POLDIP3: variants seen among roughly 807,000 people sequenced by gnomAD.
The protein encoded by POLDIP3 is polymerase delta-interacting protein 3.
A neutral mutation model predicts 45.1 loss-of-function variants in POLDIP3; 14 were observed. The observed-to-expected ratio is 0.31, with a 90% CI of 0.20 to 0.49. POLDIP3 has a LOEUF of 0.49. POLDIP3 is among the 20% of genes least tolerant of loss of function. POLDIP3 has a pLI of 0.99. For synonymous variants in POLDIP3, 223 were observed against 205.2 expected, an observed-to-expected ratio of 1.09 and a Z score of -0.74; for missense variants, 511 against 538.8, an observed-to-expected ratio of 0.95 and a Z score of 0.51.
chr22:42,592,669 C>T (rs542292100), intron 6 of POLDIP3, among the ~76,000 whole-genome samples: 2 of 152,332 alleles, frequency 1.3e-5, no homozygotes, highest in East Asian at 3.9e-4. Context: ...TACTTAACTT[C>T]TCTGAGCCTG....
chr22:42,600,494 C>T (rs1234539152), intron 3 of POLDIP3, among the ~76,000 whole-genome samples: 1 of 152,000 alleles, frequency 6.6e-6, no homozygotes, highest in Admixed American at 6.6e-5. Flanking sequence ...GGCATGGTGG[C>T]ATGCGCCTGT....
chr22:42,586,446 G>T (rs1479027978), intron 8 of POLDIP3, among the ~76,000 whole-genome samples: 1 of 151,904 alleles, frequency 6.6e-6, no homozygotes, highest in African/African-American at 2.4e-5. Flanking sequence ...TCCCACCTCG[G>T]CCCCCCAAGT....
chr22:42,600,022 C>T (rs1010918956), intron 3 of POLDIP3, among the ~76,000 whole-genome samples: 14 of 152,170 alleles, frequency 9.2e-5, no homozygotes, highest in Non-Finnish European at 1.5e-4. Flanking sequence ...CATCAGAAGT[C>T]CCTTTTTCCC....
In POLDIP3 at chr22:42,607,565, G is replaced by A. The variant is rs1159388327; in HGVS notation, c.60-4405C>T. Among the ~76,000 whole-genome samples the A allele has an allele frequency of 1.1e-4, 17 of 151,784 alleles. 1 individual carries two copies. Among genetic ancestry groups the A allele is most frequent in the Middle Eastern group, 6.3e-3 (2 of 316 alleles). On this transcript the variant is annotated intron_variant, in intron 1 of 8. Transcript: ENST00000252115. The stretch of plus-strand genomic sequence containing the variant: ...AAGTGAGGAGCGTCTCTGCCTGGCC[G>A]CCCATCGTCTGGGATGTGAGGAGCC...
At chr22:42,612,048 C>T (rs923106370) in intron 1 of POLDIP3, among the ~76,000 whole-genome samples, 1 of 152,168 alleles carries the variant, frequency 6.6e-6, no homozygotes, top group Non-Finnish European at 1.5e-5. Context: ...TTAACTCAAA[C>T]TCAGCATGCA....
chr22:42,601,732 G>A (rs563890157), intron 3 of POLDIP3, among the ~76,000 whole-genome samples: 2 of 152,328 alleles, frequency 1.3e-5, no homozygotes, highest in South Asian at 4.1e-4. Context: ...CTGCACTCCA[G>A]CCTAGCGACA....
intron 4 of POLDIP3, 115 bp downstream of exon 4, chr22:42,599,583 G>C (rs1234627409): frequency 1.3e-6 from 1 of 778,164 alleles, no homozygotes; most frequent in Non-Finnish European, 2.1e-6. Flanking sequence ...CAGCAGCCTG[G>C]GGGAGAAGAG....
intron 1 of POLDIP3, among the ~76,000 whole-genome samples, chr22:42,609,530 G>C (rs753247613): frequency 2.0e-5 from 3 of 152,206 alleles, no homozygotes; most frequent in African/African-American, 7.2e-5. Context: ...GGGGAGGGCA[G>C]GGCTACAGCC....
At chr22:42,611,233 G>A in intron 1 of POLDIP3, among the ~76,000 whole-genome samples, 1 of 152,180 alleles carries the variant, frequency 6.6e-6, no homozygotes, top group Non-Finnish European at 1.5e-5. Flanking sequence ...TGCAAGCATG[G>A]CTCACTGCAG....
At chr22:42,590,710 TTAAGAA>T (rs1282712209) in intron 7 of POLDIP3, among the ~76,000 whole-genome samples, 1 of 152,176 alleles carries the variant, frequency 6.6e-6, no homozygotes, top group Non-Finnish European at 1.5e-5. Flanking sequence ...GATAAGGGAC[TTAAGAA>T]TATGTAAAGT....
intron 1 of POLDIP3, among the ~76,000 whole-genome samples, chr22:42,611,885 T>A (rs575792755): frequency 1.3e-5 from 2 of 152,090 alleles, no homozygotes; most frequent in African/African-American, 4.8e-5. Context: ...TCAAAAAAAA[T>A]AAAGAAATAA....
At chr22:42,599,946 C>T (rs1247106343) in intron 3 of POLDIP3, among the ~76,000 whole-genome samples, 153 bp from the exon 4 acceptor site, 1 of 152,084 alleles carries the variant, frequency 6.6e-6, no homozygotes, top group African/African-American at 2.4e-5. Context: ...AAGACTGGGG[C>T]CCAAGTCTTC....
At chr22:42,605,040 G>A (rs1187994153) in intron 1 of POLDIP3, among the ~76,000 whole-genome samples, 1 of 152,236 alleles carries the variant, frequency 6.6e-6, no homozygotes, top group Non-Finnish European at 1.5e-5. Context: ...CCAGGAAGCA[G>A]GCAGGCCCTC....
In POLDIP3 at chr22:42,587,554, T is replaced by A; in HGVS notation, c.1040A>T (p.Asn347Ile). The change falls in exon 8 of 9, where the codon AAC becomes ATC. Residue 347 changes from asparagine to isoleucine, a missense_variant. Around this residue, in one of 4 missense-constraint regions of POLDIP3, gnomAD observed 66 missense variants for 118.1 expected, o/e 0.56. Transcript: ENST00000252115. ...GATAACATTCCCATTCATGTGAAGG[T>A]TGCACTTCATCGGCTGCCCTGAAAA... Reference protein sequence around the residue: ...RCLDGQPMKCNLHMNGNVITS... With the variant: ...RCLDGQPMKCILHMNGNVITS... The A allele has an allele frequency of 1.9e-6, 3 of 1,613,992 alleles. No homozygotes were observed. Among genetic ancestry groups the A allele is most frequent in the Non-Finnish European group, 2.5e-6 (3 of 1,179,944 alleles).
chr22:42,586,089 C>A, intron 8 of POLDIP3, 121 bp from the exon 9 acceptor site: 1 of 876,436 alleles, frequency 1.1e-6, no homozygotes, highest in East Asian at 2.8e-5. Flanking sequence ...TTCCATACCC[C>A]TTCATCTCAT....
rs139403639 is a variant in POLDIP3, at chr22:42,601,212, T to A, written c.537+758A>T. Among the ~76,000 whole-genome samples the A allele has an allele frequency of 5.8e-3, 877 of 151,180 alleles. 11 individuals are homozygous for A. The highest frequency in any genetic ancestry group is 0.021 in the African/African-American group (862 of 41,184). On this transcript the variant is annotated intron_variant, in intron 3 of 8. Coordinates refer to ENST00000252115, the MANE Select transcript of POLDIP3 (RefSeq NM_032311.5). ...TTTTCTATATTAAGCACATAGAACT[T>A]TTATTTAAAAAAATTAGGCCGGGCG...
At chr22:42,603,517 G>A (rs1926533174) in intron 1 of POLDIP3, 1 of 218,684 alleles carries the variant, frequency 4.6e-6, no homozygotes, top group Non-Finnish European at 9.1e-6. Context: ...CCACTCATCT[G>A]AGGAGTAACT....
intron 4 of POLDIP3, among the ~76,000 whole-genome samples, chr22:42,596,750 G>A (rs1426835429): frequency 6.6e-6 from 1 of 152,080 alleles, no homozygotes; most frequent in African/African-American, 2.4e-5. Flanking sequence ...CAGGCATAGT[G>A]GATCACATCT....
At chr22:42,599,872 G>A in intron 3 of POLDIP3, 79 bp from the exon 4 acceptor site, 4 of 1,046,782 alleles carry the variant, frequency 3.8e-6, no homozygotes, top group Middle Eastern at 2.2e-4. Flanking sequence ...GCATGGCAAG[G>A]AAATGGCTGC....
Sources: gnomAD v4.1 joint callset for allele counts (sites outside exome capture counted in the v4.1 genomes callset) on GRCh38, gnomAD v4.1.1 for gene constraint, gnomAD v4.1.1 regional missense constraint, MANE v1.5 for transcripts, NCBI Gene and HGNC (gene_info 2026-07-23, HGNC 2026-07-21) for gene names.